COL4A6: variants seen among roughly 807,000 people sequenced by gnomAD.
COL4A6 encodes the protein collagen alpha-6(IV) chain.
In COL4A6, 59 loss-of-function variants were observed where a neutral mutation model predicts 126.7. The observed-to-expected ratio is 0.47, with a 90% confidence interval of 0.38 to 0.58. The LOEUF (loss-of-function observed/expected upper bound fraction) is 0.58. Ranked by LOEUF, COL4A6 falls within the 20% of genes least tolerant of loss-of-function variation. COL4A6 has a pLI of 0.00. For synonymous variants in COL4A6, 547 were observed against 496.6 expected, an observed-to-expected ratio of 1.10 and a Z score of -1.35; for missense variants, 1,285 against 1,337.3, an observed-to-expected ratio of 0.96 and a Z score of 0.61.
At chrX:108,409,282 C>T (rs2041279076) in intron 2 of COL4A6, among the ~76,000 whole-genome samples, 1 of 111,837 alleles carries the variant, frequency 8.9e-6, no homozygotes, top group Non-Finnish European at 1.9e-5. Flanking sequence ...AAACTGTTCA[C>T]CCTAAGCTGT....
intron 2 of COL4A6, among the ~76,000 whole-genome samples, chrX:108,428,630 G>A (rs185298476): frequency 9.1e-6 from 1 of 110,491 alleles, no homozygotes; most frequent in Admixed American, 9.7e-5. Context: ...CCTGTGACAC[G>A]AGTTTACCTA....
chrX:108,347,342 T>G (rs2039732017), intron 2 of COL4A6, among the ~76,000 whole-genome samples: 1 of 112,184 alleles, frequency 8.9e-6, no homozygotes, highest in Non-Finnish European at 1.9e-5. Flanking sequence ...GAGAATCAAT[T>G]TTTTTCCTCA....
At position 108,169,539 on chromosome X, in the gene COL4A6, C is replaced by T. The variant is rs2034233062; in HGVS notation, c.3647G>A (p.Gly1216Glu). The T allele has an allele frequency of 1.7e-6, 2 of 1,210,020 alleles. No individual in the cohort carries two copies. Residue 1216 changes from glycine (G) to glutamate (E), a missense_variant, in exon 37 of 45, where the codon GGA (glycine) becomes GAA (glutamate). Gly to Glu is a moderately conservative substitution (Grantham distance 98, BLOSUM62 -2). Transcript: ENST00000334504. The stretch of plus-strand genomic sequence containing the variant: ...TCTCAGGCCCGGCTTCCCTGGAGCT[C>T]CGATGCCAATTCCTGGATATCCTTT... ...GEKGYPGIGI[G>E]APGKPGLRGQ... is the part of the protein sequence containing the mutation.
chrX:108,205,876 G>A (rs2035532698), intron 9 of COL4A6, among the ~76,000 whole-genome samples, 181 bp from the exon 10 acceptor site: 1 of 110,885 alleles, frequency 9.0e-6, no homozygotes, highest in Admixed American at 9.6e-5. Flanking sequence ...AATTGACCTG[G>A]TAATCACATT....
intron 2 of COL4A6, among the ~76,000 whole-genome samples, chrX:108,315,441 T>C (rs2038860571): frequency 8.9e-6 from 1 of 111,953 alleles, no homozygotes; most frequent in Non-Finnish European, 1.9e-5. Context: ...GGTTTTGCCA[T>C]GTTGGCCATG....
At chrX:108,245,814 T>G (rs894265302) in intron 3 of COL4A6, among the ~76,000 whole-genome samples, 3 of 111,834 alleles carry the variant, frequency 2.7e-5, no homozygotes, top group African/African-American at 9.7e-5. Context: ...GAGATGCAAC[T>G]CAAATGAATT....
chrX:108,318,813 A>G (rs1000811834), intron 2 of COL4A6, among the ~76,000 whole-genome samples: 7 of 112,594 alleles, frequency 6.2e-5, no homozygotes, highest in Admixed American at 1.9e-4. Context: ...GGCAATTTAT[A>G]GAGTCATAAT....
At chrX:108,423,251 C>A (rs940539025) in intron 2 of COL4A6, among the ~76,000 whole-genome samples, 18 of 111,644 alleles carry the variant, frequency 1.6e-4, no homozygotes, top group African/African-American at 5.5e-4. Context: ...GGCAATTGAC[C>A]AGTTAAATGT....
At chrX:108,206,286 G>T in intron 9 of COL4A6, 1 of 505,330 alleles carries the variant, frequency 2.0e-6, no homozygotes, top group Non-Finnish European at 3.6e-6. Context: ...ACTTTAGGTT[G>T]AGCTAGGGTG....
In COL4A6 at chrX:108,403,717, C is replaced by A. The variant is rs1380882872; in HGVS notation, c.63+34225G>T. Among the ~76,000 whole-genome samples, 3 of 111,412 alleles carry A rather than the reference C, an allele frequency of 2.7e-5. No individual in the cohort carries two copies. In the Admixed American group the frequency reaches 2.9e-4, roughly 11 times the overall value. On this transcript the variant is annotated intron_variant, in intron 2 of 44. Coordinates refer to ENST00000334504, the MANE Select transcript of COL4A6 (RefSeq NM_033641.4). ...TCCCTAGTTTTTTCAACACATCATACATAAATATTCTAAATAAAGCGTTTA... is the reference window on the plus strand; with the variant it reads ...TCCCTAGTTTTTTCAACACATCATAAATAAATATTCTAAATAAAGCGTTTA...
At chrX:108,332,741 A>G (rs929067681) in intron 2 of COL4A6, among the ~76,000 whole-genome samples, 3 of 110,310 alleles carry the variant, frequency 2.7e-5, no homozygotes, top group African/African-American at 9.8e-5. Flanking sequence ...TAGATTCTAG[A>G]CATTAGATGC....
Position 108,425,733 on chromosome X carries a change from A to ACAC in COL4A6, c.63+12208_63+12209insGTG, listed in dbSNP as rs1429344016. On this transcript the variant is annotated intron_variant, in intron 2 of 44. Coordinates refer to ENST00000334504, the MANE Select transcript of COL4A6 (RefSeq NM_033641.4). ...TGGGCGACAGCACAACACACACACA[A>ACAC]ACACACACACACACACACACACACA... Among the ~76,000 whole-genome samples, 789 of 90,560 alleles carry ACAC rather than the reference A, an allele frequency of 8.7e-3. 4 individuals carry two copies. The highest frequency in any genetic ancestry group is 0.029 in the African/African-American group (726 of 24,773). 78.6% of individuals were successfully genotyped at this position (90,560 alleles called of 115,157 possible).
rs752431488 is a variant in COL4A6, at chrX:108,225,279, T to C, written c.145-3905A>G. Among the ~76,000 whole-genome samples the C allele has an allele frequency of 4.6e-3, 522 of 112,335 alleles. 3 individuals carry two copies. The highest frequency in any genetic ancestry group is 0.016 in the African/African-American group (495 of 30,919). On this transcript the variant is annotated intron_variant, in intron 3 of 44. Coordinates refer to ENST00000334504, the MANE Select transcript of COL4A6 (RefSeq NM_033641.4). ...GCAGCAGCCAGATGCTCACACATTA[T>C]TTCTTTTTTCCTAACCCTGATCATT...
chrX:108,437,928 G>T lies in COL4A6; in HGVS notation c.63+14C>A. The T allele has an allele frequency of 8.3e-7, 1 of 1,210,667 alleles. No homozygotes were observed. The highest frequency in any genetic ancestry group is 1.8e-5 in the South Asian group (1 of 56,860). ...AAGGAGGGGGACGGAAAAGGGTCGT[G>T]AGAAGAGACTCACCGCTGCTGCCAG... On this transcript the variant is annotated intron_variant, in intron 2 of 44. Coordinates refer to ENST00000334504, the MANE Select transcript of COL4A6 (RefSeq NM_033641.4).
intron 3 of COL4A6, among the ~76,000 whole-genome samples, chrX:108,293,608 C>G (rs959963646): frequency 9.0e-6 from 1 of 111,431 alleles, no homozygotes; most frequent in Admixed American, 9.5e-5. Flanking sequence ...CGGATTCTAC[C>G]CAACCATACA....
chrX:108,399,407 A>G (rs1230072527), intron 2 of COL4A6, among the ~76,000 whole-genome samples: 1 of 111,356 alleles, frequency 9.0e-6, no homozygotes, highest in Non-Finnish European at 1.9e-5. Context: ...GTCCAATTAC[A>G]TTTACATTCT....
intron 2 of COL4A6, chrX:108,383,432 G>A (rs2040608650): frequency 4.0e-6 from 2 of 495,306 alleles, no homozygotes; most frequent in Admixed American, 4.9e-5. Context: ...GGCTTCCTGG[G>A]CTATCCCTGT....
At chrX:108,238,232 A>G (rs751474348) in intron 3 of COL4A6, among the ~76,000 whole-genome samples, 3 of 108,137 alleles carry the variant, frequency 2.8e-5, no homozygotes, top group Non-Finnish European at 5.7e-5. Context: ...CAGCCTCCAG[A>G]GTAGCTGGGA....
intron 2 of COL4A6, among the ~76,000 whole-genome samples, chrX:108,314,966 G>C (rs2038847858): frequency 8.9e-6 from 1 of 111,758 alleles, no homozygotes; most frequent in African/African-American, 3.3e-5. Context: ...GTCTCTCTCT[G>C]GAGCTCCTTA....
Sources: gnomAD v4.1 joint callset for allele counts (sites outside exome capture counted in the v4.1 genomes callset) on GRCh38, gnomAD v4.1.1 for gene constraint, MANE v1.5 for transcripts, NCBI Gene and HGNC (gene_info 2026-07-23, HGNC 2026-07-21) for gene names.